ZNF761: variants seen among roughly 807,000 people sequenced by gnomAD.
The protein encoded by ZNF761 is zinc finger protein 761.
A neutral mutation model predicts 59.9 loss-of-function variants in ZNF761; 43 were observed. The observed-to-expected ratio is 0.72, with a 90% confidence interval of 0.56 to 0.92. ZNF761 has a LOEUF of 0.92. ZNF761 is among the 40% of genes least tolerant of loss of function. ZNF761 has a pLI of 0.00. For missense variants in ZNF761, 850 were observed against 906.1 expected, an observed-to-expected ratio of 0.94 and a Z score of 0.79; for synonymous variants, 294 against 304.8, an observed-to-expected ratio of 0.96 and a Z score of 0.37.
intron 1 of ZNF761, chr19:53,444,446 T>C (rs2086132991): frequency 1.3e-5 from 2 of 152,188 alleles, no homozygotes; most frequent in Non-Finnish European, 2.9e-5. Flanking sequence ...TACATGCACA[T>C]TGAGGCACAG....
rs561986415 is a variant in ZNF761, at chr19:53,455,082, A to T, written c.575A>T (p.His192Leu). 1 of 1,614,166 alleles carries T rather than the reference A, an allele frequency of 6.2e-7. No individual in the cohort carries two copies. Among genetic ancestry groups the T allele is most frequent in the East Asian group, 2.2e-5 (1 of 44,872 alleles). The change falls in exon 5 of 5, where the codon CAT (histidine) becomes CTT (leucine). Residue 192 changes from histidine (H) to leucine (L), a missense_variant. His to Leu is a moderately conservative substitution (Grantham distance 99, BLOSUM62 -3). Transcript: ENST00000684525. ...CCCAAAACCCATATATCTAATAACC[A>T]TGGGAATAATTTCTGGAATTCTTCA... ...CRPKTHISNN[H>L]GNNFWNSSLL...
chr19:53,437,695 T>A (rs1241062500), intron 1 of ZNF761, among the ~76,000 whole-genome samples: 1 of 152,230 alleles, frequency 6.6e-6, no homozygotes, highest in African/African-American at 2.4e-5. Context: ...CTACTTTTTC[T>A]GGAAGCTATA....
chr19:53,450,438 C>G (rs1421667924), intron 4 of ZNF761: 1 of 152,234 alleles, frequency 6.6e-6, no homozygotes, highest in East Asian at 1.9e-4. Context: ...TGCAGAGTTA[C>G]TTACAGTGGA....
In ZNF761 at chr19:53,456,407, T is replaced by C; in HGVS notation, c.1900T>C (p.Tyr634His). 1 of 1,613,040 alleles carries C rather than the reference T, an allele frequency of 6.2e-7. No homozygotes were observed. Among genetic ancestry groups the C allele is most frequent in the East Asian group, 2.2e-5 (1 of 44,730 alleles). ...HRRLHTGEKP[Y>H]KCEECDKAFR... The stretch of plus-strand genomic sequence containing the variant: ...TAGACTTCATACCGGAGAGAAACCT[T>C]ACAAATGTGAAGAATGTGACAAAGC... Residue 634 changes from tyrosine to histidine, a missense_variant, in exon 5 of 5, where the codon TAC becomes CAC. Coordinates refer to ENST00000684525, the MANE Select transcript of ZNF761 (RefSeq NM_001289951.2).
At chr19:53,443,498 A>G (rs1253402440) in intron 1 of ZNF761, 3 of 152,280 alleles carry the variant, frequency 2.0e-5, no homozygotes, top group East Asian at 1.9e-4. Flanking sequence ...AGCCCACACT[A>G]TTAGTGATCA....
chr19:53,455,252 A>C lies in ZNF761; in HGVS notation c.745A>C (p.Lys249Gln), dbSNP rs2086256093. The C allele has an allele frequency of 1.2e-6, 2 of 1,614,110 alleles. No individual in the cohort carries two copies. Among genetic ancestry groups the C allele is most frequent in the Admixed American group, 3.3e-5 (2 of 60,010 alleles). ...CAAATATAAATGTGATGTATGTGGC[A>C]AGCTCTTTAATCAGAAGCGAAACCT... ...ADKYKCDVCG[K>Q]LFNQKRNLAC... is the part of the protein sequence containing the mutation. Residue 249 changes from lysine (K) to glutamine (Q), a missense_variant, in exon 5 of 5, where the codon AAG (lysine) becomes CAG (glutamine). Lys to Gln is a moderately conservative substitution (Grantham distance 53). Transcript: ENST00000684525.
chr19:53,456,953 A>T lies in ZNF761; in HGVS notation c.*205A>T. The T allele has an allele frequency of 1.4e-6, 1 of 732,196 alleles. No individual in the cohort carries two copies. The highest frequency in any genetic ancestry group is 2.3e-6 in the Non-Finnish European group (1 of 428,736). 45.4% of individuals were successfully genotyped at this position (732,196 alleles called of 1,614,324 possible). A position where few individuals can be genotyped will look rare whatever the true frequency, so the allele number is the denominator to read the frequency against. Reference sequence around the variant, plus strand: ...GTTTACAGTCGCACATCAAACCGTGAAAGACAGGAGAATTCATACTGGAGA... The same window carrying T: ...GTTTACAGTCGCACATCAAACCGTGTAAGACAGGAGAATTCATACTGGAGA... On this transcript the variant is annotated 3_prime_UTR_variant, in exon 5 of 5. Coordinates refer to ENST00000684525, the MANE Select transcript of ZNF761 (RefSeq NM_001289951.2).
rs1239162104 is a variant in ZNF761 at position 53,457,322 on chromosome 19, C to G, written c.*574C>G. ...GGTGAACTCAACGCTGGAGAGAAACCTTACAAATGTCATGACTGTGGCAAG... is the reference window on the plus strand; with the variant it reads ...GGTGAACTCAACGCTGGAGAGAAACGTTACAAATGTCATGACTGTGGCAAG... On this transcript the variant is annotated 3_prime_UTR_variant, in exon 5 of 5. Coordinates refer to ENST00000684525, the MANE Select transcript of ZNF761 (RefSeq NM_001289951.2). 1 of 404,532 alleles carries G rather than the reference C, an allele frequency of 2.5e-6. No homozygotes were observed. Among genetic ancestry groups the G allele is most frequent in the African/African-American group, 2.1e-5 (1 of 48,100 alleles). 25.1% of individuals were successfully genotyped at this position (404,532 alleles called of 1,614,324 possible).
At chr19:53,445,314 A>G in intron 1 of ZNF761, 1 of 152,208 alleles carries the variant, frequency 6.6e-6, no homozygotes, top group East Asian at 1.9e-4. Flanking sequence ...GTGGCATCAG[A>G]ACCTTGCAAA....
chr19:53,436,198 T>A (rs1472671006), intron 1 of ZNF761, among the ~76,000 whole-genome samples: 1 of 152,036 alleles, frequency 6.6e-6, no homozygotes, highest in Non-Finnish European at 1.5e-5. Flanking sequence ...GCAGTGGGAG[T>A]GGACAAGATT....
intron 1 of ZNF761, among the ~76,000 whole-genome samples, chr19:53,438,544 A>C (rs1259187519): frequency 2.0e-5 from 3 of 152,030 alleles, no homozygotes; most frequent in African/African-American, 4.8e-5. Flanking sequence ...TTTGAAGGCT[A>C]TTTCTTGGTT....
rs992801756 is a variant in ZNF761 at position 53,442,161 on chromosome 19, A to G, written c.-184-4066A>G. On this transcript the variant is annotated intron_variant, in intron 1 of 4. Coordinates refer to ENST00000684525, the MANE Select transcript of ZNF761 (RefSeq NM_001289951.2). ...AAGGTTATTGAAATCTGGGCCTTAA[A>G]AGATGAAGAAGATGGAACTCCAGGA... 1.2e-5 allele frequency: 13 copies of G among 1,119,778 alleles called. No individual in the cohort carries two copies. The African/African-American group carries it at 2.0e-4, about 17-fold the overall frequency. 69.4% of individuals were successfully genotyped at this position (1,119,778 alleles called of 1,614,324 possible).
chr19:53,457,484 C>A lies in ZNF761; in HGVS notation c.*736C>A. On this transcript the variant is annotated 3_prime_UTR_variant, in exon 5 of 5. Coordinates refer to ENST00000684525, the MANE Select transcript of ZNF761 (RefSeq NM_001289951.2). ...CAGAGAATGCATACTGGACAGAAAT[C>A]TTACAAATGTCATCAATGTGCCAAG... 1 of 393,950 alleles carries A rather than the reference C, an allele frequency of 2.5e-6. No homozygotes were observed. Among genetic ancestry groups the A allele is most frequent in the East Asian group, 7.8e-5 (1 of 12,764 alleles). The allele number at this position is 393,950 out of a possible 1,614,324, so 24.4% of individuals were successfully genotyped here.
intron 1 of ZNF761, among the ~76,000 whole-genome samples, chr19:53,433,962 ATTAG>A (rs2086007256): frequency 6.6e-6 from 1 of 152,140 alleles, no homozygotes; most frequent in Non-Finnish European, 1.5e-5. Context: ...CTAGGCAGCA[ATTAG>A]TTAGATTACA....
rs1032064872 is a variant in ZNF761 at position 53,432,435 on chromosome 19, C to G, written c.-185+407C>G. 2.0e-5 allele frequency among the ~76,000 whole-genome samples: 3 copies of G among 152,150 alleles called. No homozygotes were observed. In the South Asian group the frequency reaches 6.2e-4, roughly 32 times the overall value. On this transcript the variant is annotated intron_variant, in intron 1 of 4. Transcript: ENST00000684525. ...GGTCCTAGGATCCTGCAGACCCCAC[C>G]CTTGCCTTAAGGTGCTGTCGCCCCT...
intron 1 of ZNF761, among the ~76,000 whole-genome samples, chr19:53,437,347 A>G (rs2086054226): frequency 6.6e-6 from 1 of 151,918 alleles, no homozygotes; most frequent in East Asian, 1.9e-4. Context: ...ATGGCACTAC[A>G]TAACGTTGCT....
Position 53,456,373 on chromosome 19 carries a change from A to T in ZNF761, c.1866A>T (p.Thr622=). 1 of 1,613,912 alleles carries T rather than the reference A, an allele frequency of 6.2e-7. No homozygotes were observed. The highest frequency in any genetic ancestry group is 8.5e-7 in the Non-Finnish European group (1 of 1,179,928). The change falls in exon 5 of 5, where the codon ACA becomes ACT. Residue 622 remains threonine, a synonymous_variant. Transcript: ENST00000684525. ...GKTFSRTSSL[T]CHRRLHTGEK... is the part of the protein sequence containing the mutation. ...CCTTCAGTCGGACGTCATCCCTTAC[A>T]TGCCATCGTAGACTTCATACCGGAG...
rs72483991 is a variant in ZNF761, at chr19:53,455,544, G to T, written c.1037G>T (p.Arg346Leu). 0.02 allele frequency: 33,061 copies of T among 1,613,914 alleles called. 915 individuals carry two copies. The highest frequency in any genetic ancestry group is 0.14 in the East Asian group (6,403 of 44,848). The change falls in exon 5 of 5, where the codon CGA becomes CTA. Residue 346 changes from arginine (R) to leucine (L), a missense_variant. By Grantham distance (102) the Arg-to-Leu change is moderately radical. Transcript: ENST00000684525. ...RQKSILTRHH[R>L]LHTGEKPYKC... ...AAGTCAATCCTTACACGCCATCATCGACTTCATACTGGAGAGAAACCTTAC... is the reference window on the plus strand; with the variant it reads ...AAGTCAATCCTTACACGCCATCATCTACTTCATACTGGAGAGAAACCTTAC...
In ZNF761 at chr19:53,455,947, C is replaced by T; in HGVS notation, c.1440C>T (p.Asn480=). 4 of 1,613,198 alleles carry T rather than the reference C, an allele frequency of 2.5e-6. No individual in the cohort carries two copies. The highest frequency in any genetic ancestry group is 3.4e-6 in the Non-Finnish European group (4 of 1,179,750). ...ECDKAFRFKS[N]LERHRRIHTG... ...ACAAAGCTTTCCGTTTCAAATCAAACCTTGAAAGACATAGGAGAATTCATA... is the reference window on the plus strand; with the variant it reads ...ACAAAGCTTTCCGTTTCAAATCAAATCTTGAAAGACATAGGAGAATTCATA... Residue 480 remains asparagine (N), a synonymous_variant, in exon 5 of 5, where the codon AAC becomes AAT. Coordinates refer to ENST00000684525, the MANE Select transcript of ZNF761 (RefSeq NM_001289951.2).
Sources: gnomAD v4.1 joint callset for allele counts (sites outside exome capture counted in the v4.1 genomes callset) on GRCh38, gnomAD v4.1.1 for gene constraint, MANE v1.5 for transcripts, NCBI Gene and HGNC (gene_info 2026-07-23, HGNC 2026-07-21) for gene names.